Variants in TRAPPC12 observed in about 807,000 individuals in gnomAD.
TRAPPC12 encodes the protein trafficking protein particle complex subunit 12.
A neutral mutation model predicts 69.2 loss-of-function variants in TRAPPC12; 61 were observed. That is an observed-to-expected ratio of 0.88 (90% CI 0.72 to 1.09). The LOEUF is 1.09. Among genes scored for constraint, TRAPPC12 ranks in the 50% least tolerant of loss-of-function variants. The pLI, the probability that TRAPPC12 is intolerant of heterozygous loss-of-function variation, is 0.00. For synonymous variants in TRAPPC12, 469 were observed against 438.9 expected (o/e 1.07, Z -0.86); for missense variants, 1,101 against 1,016.4 (o/e 1.08, Z -1.13).
At chr2:3,402,504 G>A (rs970774035) in intron 3 of TRAPPC12, among the ~76,000 whole-genome samples, 13 of 152,182 alleles carry the variant, frequency 8.5e-5, no homozygotes, top group South Asian at 2.1e-4. Flanking sequence ...CAGGAGAATC[G>A]CTTGAACTGG....
At chr2:3,405,912 G>A (rs1661703570) in intron 3 of TRAPPC12, among the ~76,000 whole-genome samples, 1 of 152,004 alleles carries the variant, frequency 6.6e-6, no homozygotes. Flanking sequence ...CTCTCCTCAT[G>A]CCCTGAATCC....
chr2:3,413,940 T>C (rs1023872822), intron 3 of TRAPPC12, among the ~76,000 whole-genome samples: 2 of 152,186 alleles, frequency 1.3e-5, no homozygotes, highest in African/African-American at 4.8e-5. Flanking sequence ...AATCCAGGAC[T>C]TTTACCTCCT....
intron 5 of TRAPPC12, among the ~76,000 whole-genome samples, chr2:3,429,200 G>C (rs1168383236): frequency 2.0e-5 from 3 of 152,184 alleles, no homozygotes; most frequent in Non-Finnish European, 2.9e-5. Flanking sequence ...GAAGTCCTCT[G>C]TGTCCCTGCA....
chr2:3,456,440 TA>T, intron 6 of TRAPPC12: 1 of 152,142 alleles, frequency 6.6e-6, no homozygotes, highest in Non-Finnish European at 1.5e-5. Context: ...GCCCAAAAGT[TA>T]AAAAGCAAGT....
chr2:3,415,365 G>C (rs1662313375), intron 3 of TRAPPC12, among the ~76,000 whole-genome samples: 1 of 149,410 alleles, frequency 6.7e-6, no homozygotes, highest in African/African-American at 2.6e-5. Context: ...AGGCTATGCT[G>C]TGACATTCAG....
intron 9 of TRAPPC12, among the ~76,000 whole-genome samples, chr2:3,473,391 A>T (rs925796661): frequency 2.0e-5 from 3 of 152,260 alleles, no homozygotes; most frequent in African/African-American, 7.2e-5. Context: ...AGTTTTTCTG[A>T]TAAGCTTTAA....
intron 9 of TRAPPC12, chr2:3,466,420 T>G (rs539862810): frequency 1.4e-4 from 66 of 470,048 alleles, no homozygotes; most frequent in Middle Eastern, 9.7e-4. Context: ...GCTGAGCATT[T>G]CACCTCACGG....
chr2:3,431,597 T>C (rs1663445649), intron 5 of TRAPPC12, among the ~76,000 whole-genome samples: 2 of 152,212 alleles, frequency 1.3e-5, no homozygotes, highest in Admixed American at 1.3e-4. Context: ...TTTTAGATTT[T>C]TTTTTTTATT....
chr2:3,394,641 G>A (rs1285045505), intron 2 of TRAPPC12, among the ~76,000 whole-genome samples: 1 of 151,916 alleles, frequency 6.6e-6, no homozygotes, highest in African/African-American at 2.4e-5. Context: ...AAAAAAGGGG[G>A]GGGAGATCAG....
chr2:3,472,751 T>C (rs960572444), intron 9 of TRAPPC12: 2 of 152,178 alleles, frequency 1.3e-5, no homozygotes, highest in African/African-American at 2.4e-5. Flanking sequence ...TGAAGAACTC[T>C]TACAGCTGCT....
intron 9 of TRAPPC12, among the ~76,000 whole-genome samples, chr2:3,476,711 G>A (rs1008604980): frequency 2.0e-5 from 3 of 152,212 alleles, no homozygotes; most frequent in Non-Finnish European, 2.9e-5. Flanking sequence ...GATGCTTGGC[G>A]TGGACAGTCT....
At chr2:3,451,699 C>G (rs1308988518) in intron 6 of TRAPPC12, among the ~76,000 whole-genome samples, 2 of 151,844 alleles carry the variant, frequency 1.3e-5, no homozygotes, top group Non-Finnish European at 1.5e-5. Context: ...AATTTTTAAA[C>G]TTTTTGTAGA....
chr2:3,424,434 A>G, intron 4 of TRAPPC12, 91 bp from the exon 5 acceptor site: 5 of 1,135,468 alleles, frequency 4.4e-6, no homozygotes, highest in Non-Finnish European at 6.3e-6. Flanking sequence ...TATATGAGAA[A>G]TTAACCTCTA....
rs1372271731 is a variant in TRAPPC12, at chr2:3,445,780, C to G, written c.1530+1889C>G. Among the ~76,000 whole-genome samples the G allele has an allele frequency of 2.0e-5, 3 of 152,210 alleles. No individual in the cohort carries two copies. In the East Asian group the frequency reaches 5.8e-4, roughly 29 times the overall value. Reference sequence around the variant, plus strand: ...ATGTCCCGTTTGAAGACAGAAGGACCGAGAGTCCTCTCTTCCACCCTGCAC... The same window carrying G: ...ATGTCCCGTTTGAAGACAGAAGGACGGAGAGTCCTCTCTTCCACCCTGCAC... On this transcript the variant is annotated intron_variant, in intron 6 of 11. Transcript: ENST00000324266.
At chr2:3,468,144 G>C (rs1342629392) in intron 9 of TRAPPC12, 1 of 152,144 alleles carries the variant, frequency 6.6e-6, no homozygotes, top group Non-Finnish European at 1.5e-5. Flanking sequence ...GACCACACTT[G>C]CTGCTTTGAC....
intron 6 of TRAPPC12, chr2:3,457,003 C>A: frequency 2.3e-6 from 1 of 441,342 alleles, no homozygotes. Flanking sequence ...CAGAGTCCCT[C>A]CCCATTCACT....
rs1666346613 is a variant in TRAPPC12, at chr2:3,477,573, GT to G, written c.1777-118del. 17 of 533,030 alleles carry G rather than the reference GT, an allele frequency of 3.2e-5. No homozygotes were observed. In the Admixed American group the frequency reaches 4.4e-4, roughly 14 times the overall value. 33.0% of individuals were successfully genotyped at this position (533,030 alleles called of 1,614,324 possible). A position where few individuals can be genotyped will look rare whatever the true frequency, so the allele number is the denominator to read the frequency against. On this transcript the variant is annotated intron_variant, in intron 9 of 11. Coordinates refer to ENST00000324266, the MANE Select transcript of TRAPPC12 (RefSeq NM_016030.6). ...AAAAAATGATTAAATGGTTACTGAA[GT>G]TTTCCTCTGCCTGACATATAAATGT...
chr2:3,464,369 GT>G (rs113578330), intron 8 of TRAPPC12, among the ~76,000 whole-genome samples: 18 of 151,858 alleles, frequency 1.2e-4, no homozygotes, highest in Admixed American at 6.6e-4. Context: ...GTCGTTTTGG[GT>G]TTTTTTTGTT....
In TRAPPC12 at chr2:3,444,433, C is replaced by A. The variant is rs1199437142; in HGVS notation, c.1530+542C>A. 3.3e-5 allele frequency among the ~76,000 whole-genome samples: 5 copies of A among 152,204 alleles called. No individual in the cohort carries two copies. The East Asian group carries it at 9.6e-4, about 29-fold the overall frequency. On this transcript the variant is annotated intron_variant, in intron 6 of 11. Transcript: ENST00000324266. ...TAATGTGGGAGCCACCAAAGTGGCA[C>A]GTTATTACACTAACTGACATTGGGA...
Sources: allele counts gnomAD v4.1 joint callset (sites outside exome capture counted in the v4.1 genomes callset), GRCh38; gene constraint gnomAD v4.1.1; transcripts MANE v1.5; gene names NCBI Gene and HGNC (gene_info 2026-07-23, HGNC 2026-07-21).